Variants in FGF14 observed in about 807,000 individuals in gnomAD.
FGF14 encodes the protein fibroblast growth factor 14.
In FGF14, 5 loss-of-function variants were observed where a neutral mutation model predicts 25.5. The ratio of observed to expected loss-of-function variants is 0.20; its 90% confidence interval spans 0.10 to 0.41. FGF14 has a LOEUF of 0.41. FGF14 is among the 10% of genes least tolerant of loss of function. The pLI is 1.00. For missense variants in FGF14, 222 were observed against 320.1 expected, an observed-to-expected ratio of 0.69 and a Z score of 2.34; for synonymous variants, 138 against 118.3, an observed-to-expected ratio of 1.17 and a Z score of -1.08.
At chr13:101,958,826 C>T (rs1271084021) in intron 1 of FGF14, among the ~76,000 whole-genome samples, 2 of 152,186 alleles carry the variant, frequency 1.3e-5, no homozygotes, top group Non-Finnish European at 1.5e-5. Context: ...AAATCAAGGT[C>T]ACTGCGCCTC....
chr13:101,788,337 G>A (rs1264500203), intron 3 of FGF14, among the ~76,000 whole-genome samples: 1 of 152,172 alleles, frequency 6.6e-6, no homozygotes, highest in Non-Finnish European at 1.5e-5. Context: ...TGTCCAGGCT[G>A]TCTCTGTCAG....
intron 1 of FGF14, among the ~76,000 whole-genome samples, chr13:102,393,415 G>A (rs2058482449): frequency 6.6e-6 from 1 of 151,992 alleles, no homozygotes; most frequent in African/African-American, 2.4e-5. Context: ...AAAAGCACGT[G>A]GACCTAAAAG....
chr13:102,290,674 T>A (rs1409688024), intron 1 of FGF14, among the ~76,000 whole-genome samples: 1 of 152,196 alleles, frequency 6.6e-6, no homozygotes, highest in Non-Finnish European at 1.5e-5. Context: ...TCCTTCTGCA[T>A]ATGCAAGACT....
At chr13:101,871,856 T>C (rs746006045) in intron 2 of FGF14, among the ~76,000 whole-genome samples, 2 of 152,094 alleles carry the variant, frequency 1.3e-5, no homozygotes, top group Non-Finnish European at 2.9e-5. Context: ...GTTGACTTGC[T>C]ACAGTATTTT....
chr13:102,118,394 C>T (rs1207178736), intron 1 of FGF14, among the ~76,000 whole-genome samples: 3 of 151,650 alleles, frequency 2.0e-5, no homozygotes, highest in Non-Finnish European at 4.4e-5. Context: ...ACTTTGACAA[C>T]GGACCAAGAA....
chr13:102,382,724 G>T (rs74559724), intron 1 of FGF14, among the ~76,000 whole-genome samples: 3,630 of 151,998 alleles, frequency 0.024, 154 homozygotes, highest in African/African-American at 0.082. Flanking sequence ...CAACCCAAAT[G>T]TCCATCAACT....
At chr13:102,347,032 G>A (rs1176923473) in intron 1 of FGF14, among the ~76,000 whole-genome samples, 1 of 152,132 alleles carries the variant, frequency 6.6e-6, no homozygotes, top group African/African-American at 2.4e-5. Context: ...AGGAGGTCTG[G>A]AGCCCATGTC....
intron 1 of FGF14, among the ~76,000 whole-genome samples, chr13:102,338,030 G>A (rs2056838548): frequency 6.6e-6 from 1 of 151,476 alleles, no homozygotes; most frequent in African/African-American, 2.4e-5. Flanking sequence ...ATATCTCCAA[G>A]GTATGCCTGT....
intron 1 of FGF14, among the ~76,000 whole-genome samples, chr13:101,922,207 T>C (rs1168006860): frequency 4.6e-5 from 7 of 152,170 alleles, no homozygotes; most frequent in Non-Finnish European, 1.0e-4. Flanking sequence ...AAGGATGAAG[T>C]ACCCCATGGT....
rs568801081 is a variant in FGF14 at position 102,262,148 on chromosome 13, A to G, written c.208+139323T>C. 1.1e-3 allele frequency among the ~76,000 whole-genome samples: 171 copies of G among 152,196 alleles called. 1 individual carries two copies. Among genetic ancestry groups the G allele is most frequent in the Non-Finnish European group, 2.1e-3 (144 of 68,026 alleles). On this transcript the variant is annotated intron_variant, in intron 1 of 4. Coordinates refer to the FGF14 transcript ENST00000376131. ...AAACCTTTTTTTCATGGATACAGCA[A>G]GAAATACTTGTACATTTTTACTCTA...
chr13:102,124,374 TGA>T (rs1489571184), intron 1 of FGF14, among the ~76,000 whole-genome samples: 1 of 151,998 alleles, frequency 6.6e-6, no homozygotes, highest in Non-Finnish European at 1.5e-5. Context: ...AAAATAGAGA[TGA>T]TTATACTCTT....
At chr13:101,884,062 C>CAAAAAAAAAAAAAAAAAAAAAAAAAAAAA (rs11315735) in intron 1 of FGF14, among the ~76,000 whole-genome samples, 5 of 37,832 alleles carry the variant, frequency 1.3e-4, no homozygotes, top group South Asian at 1.9e-3. Flanking sequence ...GACTCCATCT[C>CAAAAAAAAAAAAAAAAAAAAAAAAAAAAA]AAAAAAAAAA....
At chr13:101,897,551 C>A (rs1169212988) in intron 1 of FGF14, among the ~76,000 whole-genome samples, 1 of 152,124 alleles carries the variant, frequency 6.6e-6, no homozygotes, top group Admixed American at 6.6e-5. Flanking sequence ...TATGCTGTTT[C>A]CAACCTCTCT....
chr13:102,104,886 T>A (rs900613468), intron 1 of FGF14, among the ~76,000 whole-genome samples: 1 of 152,160 alleles, frequency 6.6e-6, no homozygotes, highest in African/African-American at 2.4e-5. Context: ...GAAATCACCA[T>A]CCTTGCAGTA....
At chr13:102,056,021 T>G (rs1240154460) in intron 1 of FGF14, among the ~76,000 whole-genome samples, 1 of 152,174 alleles carries the variant, frequency 6.6e-6, no homozygotes, top group Non-Finnish European at 1.5e-5. Context: ...CCCCTATGAT[T>G]CAATTATCTC....
chr13:101,992,098 A>T (rs2038940587), intron 1 of FGF14, among the ~76,000 whole-genome samples: 1 of 152,142 alleles, frequency 6.6e-6, no homozygotes, highest in Admixed American at 6.6e-5. Context: ...CTCAGACCTA[A>T]ACATAAGCCT....
intron 3 of FGF14, among the ~76,000 whole-genome samples, chr13:101,737,436 C>CA (rs59322021): frequency 6.6e-6 from 1 of 152,108 alleles, no homozygotes; most frequent in African/African-American, 2.4e-5. Context: ...ATTTGCTGTG[C>CA]AAAAAAATGA....
intron 1 of FGF14, among the ~76,000 whole-genome samples, chr13:102,074,195 G>C (rs1163224508): frequency 6.6e-6 from 1 of 152,020 alleles, no homozygotes; most frequent in Admixed American, 6.6e-5. Context: ...AATTTTTTTT[G>C]TAGAGATGGG....
In FGF14 at chr13:102,375,355, C is replaced by G. The variant is rs545001272; in HGVS notation, c.208+26116G>C. ...GATTTCTAGCACAGTGTACAAGACA[C>G]AGCGGTGATCAAATCAGCCAGTATA... On this transcript the variant is annotated intron_variant, in intron 1 of 4. Transcript: ENST00000376131. 7.2e-5 allele frequency among the ~76,000 whole-genome samples: 11 copies of G among 152,248 alleles called. No individual in the cohort carries two copies. The East Asian group carries it at 1.9e-3, about 27-fold the overall frequency.
Sources: gnomAD v4.1 joint callset for allele counts (sites outside exome capture counted in the v4.1 genomes callset) on GRCh38, gnomAD v4.1.1 for gene constraint, MANE v1.5 for transcripts, NCBI Gene and HGNC (gene_info 2026-07-23, HGNC 2026-07-21) for gene names.